RGPD4: variants seen among roughly 807,000 people sequenced by gnomAD.
The protein encoded by RGPD4 is RANBP2 like and GRIP domain containing 4.
RGPD4 carries 84 observed loss-of-function variants against 141.1 expected under a neutral mutation model. The observed-to-expected ratio is 0.60, with a 90% CI of 0.50 to 0.71. The LOEUF (loss-of-function observed/expected upper bound fraction) is 0.71, where lower values mean the gene tolerates loss of function less well. Ranked by LOEUF, RGPD4 falls within the 30% of genes least tolerant of loss-of-function variation. The pLI, the probability that RGPD4 is intolerant of heterozygous loss-of-function variation, is 0.00. For synonymous variants in RGPD4, 298 were observed against 566.8 expected (o/e 0.53, Z 6.74); for missense variants, 918 against 1,622.4 (o/e 0.57, Z 7.46).
chr2:107,862,345 C>T (rs1168342727), intron 15 of RGPD4, among the ~76,000 whole-genome samples: 1 of 146,254 alleles, frequency 6.8e-6, no homozygotes, highest in African/African-American at 2.5e-5. Flanking sequence ...CTTGGAAAAG[C>T]TTTCCAAGTT....
At position 107,871,043 on chromosome 2, in the gene RGPD4, T is replaced by G. The variant is rs1394125175; in HGVS notation, c.3039T>G (p.Asn1013Lys). The change falls in exon 20 of 23, where the codon AAT (asparagine) becomes AAG (lysine). Residue 1013 changes from asparagine to lysine, a missense_variant. Transcript: ENST00000408999. The part of the protein sequence containing the change: ...LFSSQCGKMA[N>K]KANTSGDFEK... ...CATCACAATGCGGTAAAATGGCCAATAAAGCAAACACTTCCGGTGACTTTG... is the reference window on the plus strand; with the variant it reads ...CATCACAATGCGGTAAAATGGCCAAGAAAGCAAACACTTCCGGTGACTTTG... 3.7e-6 allele frequency: 6 copies of G among 1,610,926 alleles called. No homozygotes were observed. The highest frequency in any genetic ancestry group is 5.1e-6 in the Non-Finnish European group (6 of 1,179,770).
At chr2:107,831,237 G>A (rs979143532) in intron 1 of RGPD4, among the ~76,000 whole-genome samples, 2 of 149,006 alleles carry the variant, frequency 1.3e-5, no homozygotes, top group African/African-American at 4.9e-5. Context: ...TTTTCCAGAT[G>A]GCTTCTGTTT....
rs367647762 is a variant in RGPD4 at position 107,833,888 on chromosome 2, T to C, written c.73-2714T>C. 8.5e-5 allele frequency among the ~76,000 whole-genome samples: 13 copies of C among 152,054 alleles called. 1 individual carries two copies. In the East Asian group the frequency reaches 1.6e-3, roughly 18 times the overall value. ...CCATCTCTACTGAAAATACAAAAAT[T>C]AGCTGGGCATGGTGGCGTGCGCCTG... On this transcript the variant is annotated intron_variant, in intron 1 of 22. Transcript: ENST00000408999.
intron 14 of RGPD4, 27 bp from the exon 15 acceptor site, chr2:107,861,567 G>A: frequency 6.2e-7 from 1 of 1,609,828 alleles, no homozygotes; most frequent in Non-Finnish European, 8.5e-7. Flanking sequence ...AAAAGCTAAT[G>A]ATTTCATAAA....
chr2:107,849,179 C>T (rs1263287330), intron 7 of RGPD4, among the ~76,000 whole-genome samples: 10 of 67,384 alleles, frequency 1.5e-4, no homozygotes, highest in Admixed American at 2.4e-4. Context: ...CTCAGCCTCC[C>T]GAGTAGCTGG....
At chr2:107,830,550 C>T (rs1267859349) in intron 1 of RGPD4, among the ~76,000 whole-genome samples, 3 of 151,784 alleles carry the variant, frequency 2.0e-5, no homozygotes, top group Non-Finnish European at 4.4e-5. Flanking sequence ...TCTTTTTTTT[C>T]CCCCAAATTG....
At chr2:107,881,439 T>C (rs1337200220) in intron 21 of RGPD4, among the ~76,000 whole-genome samples, 2 of 151,884 alleles carry the variant, frequency 1.3e-5, no homozygotes, top group African/African-American at 4.9e-5. Flanking sequence ...TGCCTCAGCC[T>C]CCCGAGTAGC....
Position 107,890,869 on chromosome 2 carries a change from T to C in RGPD4, c.*138T>C. The C allele has an allele frequency of 1.1e-6, 1 of 939,572 alleles. No individual in the cohort carries two copies. Among genetic ancestry groups the C allele is most frequent in the Non-Finnish European group, 1.6e-6 (1 of 617,016 alleles). 58.2% of individuals were successfully genotyped at this position (939,572 alleles called of 1,614,324 possible). A position where few individuals can be genotyped will look rare whatever the true frequency, so the allele number is the denominator to read the frequency against. On this transcript the variant is annotated 3_prime_UTR_variant, in exon 23 of 23. Coordinates refer to ENST00000408999, the MANE Select transcript of RGPD4 (RefSeq NM_182588.3). The stretch of plus-strand genomic sequence containing the variant: ...GTTCATGTGTATTACCATCATTCTT[T>C]TGTCAAAAAGTGTGTATATGTTTGC...
chr2:107,849,046 T>C (rs1437568064), intron 7 of RGPD4, among the ~76,000 whole-genome samples: 12 of 119,672 alleles, frequency 1.0e-4, no homozygotes, highest in African/African-American at 3.5e-5. Context: ...TAAAACCTTT[T>C]CTTATTTTTT....
chr2:107,880,365 G>A (rs1181209753), intron 21 of RGPD4, among the ~76,000 whole-genome samples: 81 of 130,594 alleles, frequency 6.2e-4, no homozygotes, highest in Non-Finnish European at 1.4e-4. Context: ...CCAGGTTCAC[G>A]CCATTCTCCT....
chr2:107,846,365 C>T (rs759450162), intron 6 of RGPD4, among the ~76,000 whole-genome samples: 457 of 151,654 alleles, frequency 3.0e-3, no homozygotes, highest in Non-Finnish European at 3.8e-3. Flanking sequence ...TGCACCCGGC[C>T]GTATGTGGGT....
intron 1 of RGPD4, among the ~76,000 whole-genome samples, chr2:107,829,764 G>A (rs898523604): frequency 2.6e-5 from 4 of 152,164 alleles, no homozygotes; most frequent in Non-Finnish European, 5.9e-5. Context: ...TGTTCCCGAC[G>A]GTGCTCGCTC....
At chr2:107,882,148 C>A (rs1313125276) in intron 21 of RGPD4, among the ~76,000 whole-genome samples, 1 of 151,920 alleles carries the variant, frequency 6.6e-6, no homozygotes, top group African/African-American at 2.4e-5. Flanking sequence ...CCATGATACC[C>A]TGTGCTTCTG....
In RGPD4 at chr2:107,860,791, A is replaced by G. The variant is rs2580980; in HGVS notation, c.1784A>G (p.Asp595Gly). The change falls in exon 13 of 23, where the codon GAT becomes GGT. Residue 595 changes from aspartate to glycine, a missense_variant. Asp to Gly is a moderately conservative substitution (Grantham distance 94). Coordinates refer to ENST00000408999, the MANE Select transcript of RGPD4 (RefSeq NM_182588.3). Reference protein sequence around the residue: ...KMGSGLNSFYDQREYIGRSVH... With the variant: ...KMGSGLNSFYGQREYIGRSVH... Reference sequence around the variant, plus strand: ...GGCAGTGGTCTTAATTCTTTTTATGATCAACGAGAATACATAGGGAGAAGT... The same window carrying G: ...GGCAGTGGTCTTAATTCTTTTTATGGTCAACGAGAATACATAGGGAGAAGT... The G allele has an allele frequency of 8.1e-6, 13 of 1,610,270 alleles. No homozygotes were observed. The highest frequency in any genetic ancestry group is 1.1e-5 in the South Asian group (1 of 90,778).
intron 19 of RGPD4, among the ~76,000 whole-genome samples, 152 bp downstream of exon 19, chr2:107,870,129 A>G: frequency 6.7e-6 from 1 of 149,646 alleles, no homozygotes; most frequent in Non-Finnish European, 1.5e-5. Flanking sequence ...TACAGAAATT[A>G]TCCTTCTTAG....
intron 20 of RGPD4, among the ~76,000 whole-genome samples, chr2:107,873,814 T>G (rs1395301827): frequency 1.3e-5 from 2 of 150,832 alleles, no homozygotes; most frequent in East Asian, 3.9e-4. Context: ...AGGATTTAAT[T>G]TTAGCCTTTT....
intron 1 of RGPD4, among the ~76,000 whole-genome samples, chr2:107,832,634 A>T (rs1472642610): frequency 7.9e-5 from 10 of 127,264 alleles, no homozygotes; most frequent in African/African-American, 3.2e-4. Flanking sequence ...TAGAGATGGG[A>T]TTTCACCATA....
chr2:107,858,597 C>T (rs1421837667), intron 9 of RGPD4, among the ~76,000 whole-genome samples: 3 of 152,158 alleles, frequency 2.0e-5, no homozygotes, highest in Non-Finnish European at 4.4e-5. Flanking sequence ...TGACACCGTG[C>T]TCGGCTAATT....
intron 1 of RGPD4, among the ~76,000 whole-genome samples, chr2:107,832,474 C>T (rs576116327): frequency 2.7e-5 from 4 of 146,254 alleles, no homozygotes; most frequent in East Asian, 3.9e-4. Context: ...CAGAGTCTTG[C>T]TCTGTTGCCC....
Sources: gnomAD v4.1 joint callset for allele counts (sites outside exome capture counted in the v4.1 genomes callset) on GRCh38, gnomAD v4.1.1 for gene constraint, MANE v1.5 for transcripts, NCBI Gene and HGNC (gene_info 2026-07-23, HGNC 2026-07-21) for gene names.